DHX8: variants seen among roughly 807,000 people sequenced by gnomAD.
DHX8 encodes DEAH-box helicase 8.
In DHX8, 67 loss-of-function variants were observed where a neutral mutation model predicts 140.7. The observed-to-expected ratio is 0.48, with a 90% CI of 0.39 to 0.58. The LOEUF (loss-of-function observed/expected upper bound fraction) is 0.58, where lower values mean the gene tolerates loss of function less well. Ranked by LOEUF, DHX8 falls within the 20% of genes least tolerant of loss-of-function variation. The pLI is 0.00. For synonymous variants in DHX8, 533 were observed against 553.2 expected (o/e 0.96, Z 0.51); for missense variants, 887 against 1,550.7 (o/e 0.57, Z 7.19).
intron 9 of DHX8, among the ~76,000 whole-genome samples, chr17:43,496,994 G>C (rs1968897308): frequency 6.6e-6 from 1 of 152,094 alleles, no homozygotes; most frequent in Admixed American, 6.5e-5. Flanking sequence ...TAGTAAGTGA[G>C]CACCTACGTA....
chr17:43,530,273 T>C (rs944792571), downstream of DHX8: 46 of 1,531,232 alleles, frequency 3.0e-5, no homozygotes, highest in South Asian at 1.7e-4. Flanking sequence ...CAAGAATTTC[T>C]TCCTTCCAGC....
intron 8 of DHX8, 87 bp downstream of exon 8, chr17:43,493,973 G>A: frequency 7.2e-7 from 1 of 1,397,576 alleles, no homozygotes; most frequent in South Asian, 1.2e-5. Context: ...GATGGCCTGG[G>A]ATAACTTTTG....
intron 3 of DHX8, among the ~76,000 whole-genome samples, chr17:43,543,293 C>CTCTG (rs1048394648): frequency 6.6e-6 from 1 of 151,104 alleles, no homozygotes; most frequent in African/African-American, 2.4e-5. Flanking sequence ...CTCTCTCTCT[C>CTCTG]TCTCACACAC....
intron 20 of DHX8, 69 bp from the exon 21 acceptor site, chr17:43,521,300 C>T (rs1194592612): frequency 6.6e-6 from 9 of 1,358,228 alleles, no homozygotes; most frequent in East Asian, 2.5e-5. Flanking sequence ...GTAGGGCTCC[C>T]TAGAATTGCT....
chr17:43,533,777 C>G, intron 2 of DHX8: 1 of 1,537,406 alleles, frequency 6.5e-7, no homozygotes, highest in Non-Finnish European at 8.8e-7. Context: ...ATCTCAGCTG[C>G]TGCCTCTGCT....
intron 6 of DHX8, 146 bp from the exon 7 acceptor site, chr17:43,493,298 TA>T: frequency 1.7e-6 from 2 of 1,189,696 alleles, no homozygotes; most frequent in Non-Finnish European, 2.3e-6. Context: ...AGGAGAGTGT[TA>T]ATACTATTTT....
At position 43,492,283 on chromosome 17, in the gene DHX8, C is replaced by G; in HGVS notation, c.494C>G (p.Ala165Gly). The change falls in exon 5 of 23, where the codon GCT (alanine) becomes GGT (glycine). Residue 165 changes from alanine to glycine, a missense_variant. Around this residue, in one of 9 missense-constraint regions of DHX8, gnomAD observed 304 missense variants for 306.9 expected, o/e 0.99. Transcript: ENST00000262415. Reference sequence around the variant, plus strand: ...GCAGGCCAGGAGAAGCAAAGAGATGCTGAACACCGGTTTGTCCTTAGTGTC... The same window carrying G: ...GCAGGCCAGGAGAAGCAAAGAGATGGTGAACACCGGTTTGTCCTTAGTGTC... The part of the protein sequence containing the change: ...SAAGQEKQRD[A>G]EHRDRTKKKK... 1 of 1,613,102 alleles carries G rather than the reference C, an allele frequency of 6.2e-7. No homozygotes were observed. Among genetic ancestry groups the G allele is most frequent in the Non-Finnish European group, 8.5e-7 (1 of 1,179,134 alleles).
rs778593010 is a variant in DHX8, at chr17:43,508,018, A to G, written c.2319A>G (p.Pro773=). 34 of 1,612,734 alleles carry G rather than the reference A, an allele frequency of 2.1e-5. No homozygotes were observed. The highest frequency in any genetic ancestry group is 5.0e-5 in the Admixed American group (3 of 59,786). Residue 773 remains proline (P), a splice_region_variant and synonymous_variant, in exon 15 of 23, where the codon CCA becomes CCG. Coordinates refer to ENST00000262415, the MANE Select transcript of DHX8 (RefSeq NM_004941.3). The part of the protein sequence containing the change: ...TVMQIHLTEP[P]GDILVFLTGQ... ...TGCAGATTCATTTAACAGAACCACC[A>G]GGTAAGGGGAAAAAGCAATTTTCCT...
At position 43,524,848 on chromosome 17, in the gene DHX8, T is replaced by A. The variant is rs1970553478; in HGVS notation, c.*1001T>A. 2.0e-6 allele frequency: 2 copies of A among 985,370 alleles called. No individual in the cohort carries two copies. The highest frequency in any genetic ancestry group is 4.7e-5 in the South Asian group (1 of 21,284). 61.0% of individuals were successfully genotyped at this position (985,370 alleles called of 1,614,324 possible). ...CATAACACCTCTCCTCTCAGCTGGTTTGTGCTGCCAGTATCTGTGCTGCAG... is the reference window on the plus strand; with the variant it reads ...CATAACACCTCTCCTCTCAGCTGGTATGTGCTGCCAGTATCTGTGCTGCAG... On this transcript the variant is annotated 3_prime_UTR_variant, in exon 23 of 23. Coordinates refer to ENST00000262415, the MANE Select transcript of DHX8 (RefSeq NM_004941.3).
chr17:43,522,027 C>A lies in DHX8; in HGVS notation c.3264-20C>A. 1 of 1,612,278 alleles carries A rather than the reference C, an allele frequency of 6.2e-7. No individual in the cohort carries two copies. The highest frequency in any genetic ancestry group is 8.5e-7 in the Non-Finnish European group (1 of 1,178,866). On this transcript the variant is annotated intron_variant, in intron 21 of 22. Coordinates refer to ENST00000262415, the MANE Select transcript of DHX8 (RefSeq NM_004941.3). The stretch of plus-strand genomic sequence containing the variant: ...CTGTGAAAGCTGAGTGGGCTCATAT[C>A]TTTTGTCCTATCTTGATAGACACAA...
chr17:43,528,495 G>A (rs749134020), downstream of DHX8: 31 of 1,521,882 alleles, frequency 2.0e-5, no homozygotes, highest in Admixed American at 3.6e-4. Flanking sequence ...ACCCACCTGC[G>A]GCAGGGGGAA....
At chr17:43,514,288 T>G (rs1045443606) in intron 17 of DHX8, among the ~76,000 whole-genome samples, 14 of 152,162 alleles carry the variant, frequency 9.2e-5, no homozygotes, top group Non-Finnish European at 1.9e-4. Flanking sequence ...GAGGCTGCAG[T>G]GAGCTAAGAT....
intron 12 of DHX8, among the ~76,000 whole-genome samples, chr17:43,506,473 G>A (rs1868304167): frequency 6.6e-6 from 1 of 151,904 alleles, no homozygotes; most frequent in Non-Finnish European, 1.5e-5. Flanking sequence ...ACAAAAATTA[G>A]CCGGGCGTGC....
rs1970574183 is a variant in DHX8 at position 43,525,279 on chromosome 17, A to G, written c.*1432A>G. ...TAAGTTCTGAAGTGATGTAAATGCTAGAACTACTGTAGAACTGTATGCCAG... is the reference window on the plus strand; with the variant it reads ...TAAGTTCTGAAGTGATGTAAATGCTGGAACTACTGTAGAACTGTATGCCAG... On this transcript the variant is annotated 3_prime_UTR_variant, in exon 23 of 23. Transcript: ENST00000262415. The G allele has an allele frequency of 9.1e-6, 9 of 985,458 alleles. No homozygotes were observed. In the South Asian group the frequency reaches 2.8e-4, roughly 31 times the overall value. 61.0% of individuals were successfully genotyped at this position (985,458 alleles called of 1,614,324 possible). A position where few individuals can be genotyped will look rare whatever the true frequency, so the allele number is the denominator to read the frequency against.
chr17:43,508,917 C>T lies in DHX8; in HGVS notation c.2502+397C>T, dbSNP rs112854617. On this transcript the variant is annotated intron_variant, in intron 16 of 22. Coordinates refer to ENST00000262415, the MANE Select transcript of DHX8 (RefSeq NM_004941.3). The stretch of plus-strand genomic sequence containing the variant: ...TATAGGTGTGAGCCACCGCGCCCGG[C>T]CAGGTGTATGCAAGTCTTGTTTGTT... Among the ~76,000 whole-genome samples the T allele has an allele frequency of 6.1e-3, 929 of 152,076 alleles. 9 individuals carry two copies. The highest frequency in any genetic ancestry group is 0.022 in the African/African-American group (900 of 41,480).
downstream of DHX8, chr17:43,528,890 ACT>A: frequency 1.4e-6 from 1 of 709,418 alleles, no homozygotes; most frequent in Non-Finnish European, 2.4e-6. Flanking sequence ...TGAGAAGCTG[ACT>A]CTCCCTTCAC....
chr17:43,507,836 C>G lies in DHX8; in HGVS notation c.2137C>G (p.Leu713Val). 6.2e-7 allele frequency: 1 copy of G among 1,614,210 alleles called. No individual in the cohort carries two copies. Among genetic ancestry groups the G allele is most frequent in the Non-Finnish European group, 8.5e-7 (1 of 1,180,046 alleles). ...AGTTCAGAAACGGCAGGACATGAAG[C>G]TGATTGTCACCTCAGCCACCTTGGA... Reference protein sequence around the residue: ...KTVQKRQDMKLIVTSATLDAV... With the variant: ...KTVQKRQDMKVIVTSATLDAV... Residue 713 changes from leucine (L) to valine (V), a missense_variant, in exon 15 of 23, where the codon CTG (leucine) becomes GTG (valine). Physicochemically the swap from Leu to Val is conservative, Grantham distance 32. Around this residue, in one of 9 missense-constraint regions of DHX8, gnomAD observed 178 missense variants for 398.5 expected, o/e 0.45. Transcript: ENST00000262415.
At chr17:43,511,345 G>C (rs947613623) in intron 16 of DHX8, among the ~76,000 whole-genome samples, 1 of 151,476 alleles carries the variant, frequency 6.6e-6, no homozygotes, top group African/African-American at 2.4e-5. Context: ...GATAAAGATA[G>C]ACATAGGAGT....
At chr17:43,499,542 A>C (rs1267866630) in intron 10 of DHX8, among the ~76,000 whole-genome samples, 1 of 152,166 alleles carries the variant, frequency 6.6e-6, no homozygotes, top group Non-Finnish European at 1.5e-5. Context: ...ACCAGCCCTT[A>C]AGGAGGTACA....
Sources: allele counts gnomAD v4.1 joint callset (sites outside exome capture counted in the v4.1 genomes callset), GRCh38; gene constraint gnomAD v4.1.1; regional missense constraint gnomAD v4.1.1; transcripts MANE v1.5; gene names NCBI Gene and HGNC (gene_info 2026-07-23, HGNC 2026-07-21).